Variants in PLXNB2 observed in about 807,000 individuals in gnomAD.
The protein encoded by PLXNB2 is plexin-B2.
PLXNB2 carries 85 observed loss-of-function variants against 202.6 expected under a neutral mutation model. The ratio of observed to expected loss-of-function variants is 0.42; its 90% CI spans 0.35 to 0.50. PLXNB2 has a LOEUF of 0.50. Ranked by LOEUF, PLXNB2 falls within the 20% of genes least tolerant of loss-of-function variation. The pLI is 0.02. For synonymous variants in PLXNB2, 1,239 were observed against 1,137.6 expected (o/e 1.09, Z -1.79); for missense variants, 2,063 against 2,586.2 (o/e 0.80, Z 4.39).
chr22:50,282,617 C>T, intron 18 of PLXNB2, 94 bp downstream of exon 18: 1 of 958,872 alleles, frequency 1.0e-6, no homozygotes, highest in Non-Finnish European at 1.6e-6. Flanking sequence ...CACAGACCAG[C>T]CCCACCACAT....
intron 16 of PLXNB2, 34 bp from the exon 17 acceptor site, chr22:50,283,220 G>A (rs528601993): frequency 1.8e-5 from 28 of 1,599,218 alleles, no homozygotes; most frequent in East Asian, 9.0e-5. Context: ...GGGTGAGGAC[G>A]GGGCACAGGA....
rs748150513 is a variant in PLXNB2, at chr22:50,289,520, C to T, written c.1065G>A (p.Ala355=). The T allele has an allele frequency of 4.4e-6, 7 of 1,607,310 alleles. No homozygotes were observed. The highest frequency in any genetic ancestry group is 1.7e-5 in the Admixed American group (1 of 59,616). The part of the protein sequence containing the change: ...FHGDIQCGGH[A]PGSSKSFPCG... ...GAGAACACACTGAGGCCCATACCGG[C>T]GCGTGGCCGCCGCACTGGATATCGC... Residue 355 remains alanine, a synonymous_variant, in exon 3 of 37, where the codon GCG becomes GCA. Coordinates refer to ENST00000359337, the MANE Select transcript of PLXNB2 (RefSeq NM_012401.4). The surrounding 1 kb of genome is among the most constrained non-coding windows in gnomAD (Gnocchi z 8.0).
chr22:50,284,531 C>T lies in PLXNB2; in HGVS notation c.2181+42G>A, dbSNP rs1233827694. 1 of 1,473,548 alleles carries T rather than the reference C, an allele frequency of 6.8e-7. No homozygotes were observed. The highest frequency in any genetic ancestry group is 1.2e-5 in the South Asian group (1 of 85,970). The allele number at this position is 1,473,548 out of a possible 1,614,324, so 91.3% of individuals were successfully genotyped here. On this transcript the variant is annotated intron_variant, in intron 12 of 36. Coordinates refer to ENST00000359337, the MANE Select transcript of PLXNB2 (RefSeq NM_012401.4). This position sits in a 1 kb window ranked among gnomAD's most constrained non-coding sequence, Gnocchi z 8.0. ...GGTGACCCCCCACCCCACCCGGGGC[C>T]CTGGGGTCCAGCAGCCGAGCCGGCC...
In PLXNB2 at chr22:50,291,272, C is replaced by G. The variant is rs113982993; in HGVS notation, c.-13-675G>C. Among the ~76,000 whole-genome samples the G allele has an allele frequency of 0.015, 2,221 of 152,302 alleles. 54 individuals are homozygous for G. The highest frequency in any genetic ancestry group is 0.05 in the African/African-American group (2,096 of 41,564). ...AGCTCCTCGCTCGGCCCATGTCACG[C>G]CCAGGGCACAGCCTCTGATGTGCGC... On this transcript the variant is annotated intron_variant, in intron 2 of 36. Coordinates refer to ENST00000359337, the MANE Select transcript of PLXNB2 (RefSeq NM_012401.4). The surrounding 1 kb of genome is among the most constrained non-coding windows in gnomAD (Gnocchi z 4.3).
rs56110807 is a variant in PLXNB2 at position 50,282,001 on chromosome 22, G to T, written c.3198C>A (p.Ala1066=). The T allele has an allele frequency of 3.1e-6, 5 of 1,612,930 alleles. No homozygotes were observed. The African/African-American group carries it at 6.7e-5, about 22-fold the overall frequency. The change falls in exon 20 of 37, where the codon GCC becomes GCA. Residue 1066 remains alanine (A), a synonymous_variant. Coordinates refer to ENST00000359337, the MANE Select transcript of PLXNB2 (RefSeq NM_012401.4). The stretch of plus-strand genomic sequence containing the variant: ...TCTCGATCAGCACCGTGAGGTTGTA[G>T]GCCTCTGGCTCCTCAGGCACAGCCG... ...LSPAVPEEPE[A]YNLTVLIEMD...
rs2066640829 is a variant in PLXNB2 at position 50,288,622 on chromosome 22, G to A, written c.1380+121C>T. 7.2e-7 allele frequency: 1 copy of A among 1,385,558 alleles called. No homozygotes were observed. The highest frequency in any genetic ancestry group is 1.4e-5 in the African/African-American group (1 of 69,504). The allele number at this position is 1,385,558 out of a possible 1,614,324, so 85.8% of individuals were successfully genotyped here. A position where few individuals can be genotyped will look rare whatever the true frequency, so the allele number is the denominator to read the frequency against. The stretch of plus-strand genomic sequence containing the variant: ...AGCCACCCCTCATCCAGACCAAGGA[G>A]AAGGGCCCAGCTCTGCAGCACCCCA... On this transcript the variant is annotated intron_variant, in intron 5 of 36. Coordinates refer to ENST00000359337, the MANE Select transcript of PLXNB2 (RefSeq NM_012401.4). The surrounding 1 kb of genome is among the most constrained non-coding windows in gnomAD (Gnocchi z 5.0).
At chr22:50,306,879 G>C (rs2067903066) in intron 1 of PLXNB2, among the ~76,000 whole-genome samples, 1 of 152,248 alleles carries the variant, frequency 6.6e-6, no homozygotes, top group African/African-American at 2.4e-5. Flanking sequence ...AGGGGGAGGC[G>C]GGCTCCCCAG....
chr22:50,278,687 G>C lies in PLXNB2; in HGVS notation c.4556C>G (p.Pro1519Arg). 1 of 1,610,772 alleles carries C rather than the reference G, an allele frequency of 6.2e-7. No individual in the cohort carries two copies. Among genetic ancestry groups the C allele is most frequent in the Non-Finnish European group, 8.5e-7 (1 of 1,179,192 alleles). Reference protein sequence around the residue: ...RPDSVVLEWRPGSTAQILSDL... With the variant: ...RPDSVVLEWRRGSTAQILSDL... ...CGACAGGATCTGCGCTGTGGAGCCC[G>C]GACGCCACTCTGTGGGAAGAGACAG... Residue 1519 changes from proline to arginine, a missense_variant, in exon 29 of 37, where the codon CCG (proline) becomes CGG (arginine). Physicochemically the swap from Pro to Arg is moderately radical, Grantham distance 103. Coordinates refer to ENST00000359337, the MANE Select transcript of PLXNB2 (RefSeq NM_012401.4).
intron 1 of PLXNB2, among the ~76,000 whole-genome samples, chr22:50,302,428 G>GCGGA (rs2067740377): frequency 6.6e-6 from 1 of 152,140 alleles, no homozygotes; most frequent in South Asian, 2.1e-4. Flanking sequence ...CTTGCTCCAC[G>GCGGA]CGGAGGCTTG....
intron 1 of PLXNB2, among the ~76,000 whole-genome samples, chr22:50,296,015 T>C (rs1413419624): frequency 6.6e-6 from 1 of 151,970 alleles, no homozygotes; most frequent in Non-Finnish European, 1.5e-5. Flanking sequence ...GGCAAGATAA[T>C]CGCTTGAACC....
chr22:50,292,016 C>T (rs1305186954), intron 2 of PLXNB2, among the ~76,000 whole-genome samples: 1 of 152,186 alleles, frequency 6.6e-6, no homozygotes, highest in Non-Finnish European at 1.5e-5. Context: ...CTCATCCCCT[C>T]GAAACGCAAT....
rs1304357655 is a variant in PLXNB2, at chr22:50,279,674, TGA to T, written c.4343_4344del (p.Leu1448GlnfsTer9). 6.2e-7 allele frequency: 1 copy of T among 1,612,796 alleles called. No individual in the cohort carries two copies. On this transcript the variant is annotated frameshift_variant, in exon 27 of 37. Coordinates refer to ENST00000359337, the MANE Select transcript of PLXNB2 (RefSeq NM_012401.4). LOFTEE classifies it high-confidence loss of function. ...DAVQKKAKYT[L>X]NDTGLLGDDV... is the part of the protein sequence containing the mutation. ...TCATCCCCCAGCAGCCCCGTGTCGT[TGA>T]GAGTGTACTTGGCCTTCTTCTGTAC...
At position 50,290,257 on chromosome 22, in the gene PLXNB2, C is replaced by T. The variant is rs1405202944; in HGVS notation, c.328G>A (p.Val110Met). The T allele has an allele frequency of 3.1e-6, 5 of 1,611,856 alleles. No homozygotes were observed. The highest frequency in any genetic ancestry group is 4.2e-6 in the Non-Finnish European group (5 of 1,180,024). Residue 110 changes from valine to methionine, a missense_variant, in exon 3 of 37, where the codon GTG becomes ATG. Physicochemically the swap from Val to Met is conservative, Grantham distance 21 (BLOSUM62 1). Coordinates refer to ENST00000359337, the MANE Select transcript of PLXNB2 (RefSeq NM_012401.4). ...CCCTTGAAGAGGCTGCCGCACTCCA[C>T]CAGGCGCTTCCTGGGAGGGTCGAGC... is the stretch of plus-strand genomic sequence containing the variant. ...LLLDPPRKRL[V>M]ECGSLFKGIC...
chr22:50,278,138 C>T lies in PLXNB2; in HGVS notation c.4866G>A (p.Leu1622=). 1 of 1,603,010 alleles carries T rather than the reference C, an allele frequency of 6.2e-7. No homozygotes were observed. The highest frequency in any genetic ancestry group is 8.5e-7 in the Non-Finnish European group (1 of 1,179,764). The change falls in exon 31 of 37, where the codon CTG becomes CTA. Residue 1622 remains leucine (L), a synonymous_variant. Transcript: ENST00000359337. ...CCACCTTGACTGAGAGCAGCCGCGT[C>T]AGGTAGATCTCGGTGATGGCCTTCG... ...ERTKAITEIY[L]TRLLSVKGTL...
In PLXNB2 at chr22:50,284,487, C is replaced by T. The variant is rs1314157258; in HGVS notation, c.2181+86G>A. 3 of 1,038,988 alleles carry T rather than the reference C, an allele frequency of 2.9e-6. No homozygotes were observed. Among genetic ancestry groups the T allele is most frequent in the Non-Finnish European group, 4.4e-6 (3 of 689,238 alleles). 64.4% of individuals were successfully genotyped at this position (1,038,988 alleles called of 1,614,324 possible). A position where few individuals can be genotyped will look rare whatever the true frequency, so the allele number is the denominator to read the frequency against. ...GGTCCCTGGGGTCTCCCTGCTGCCC[C>T]TCCCCTCACAGTCCTGAAGGTGACC... On this transcript the variant is annotated intron_variant, in intron 12 of 36. Coordinates refer to ENST00000359337, the MANE Select transcript of PLXNB2 (RefSeq NM_012401.4). The surrounding 1 kb of genome is among the most constrained non-coding windows in gnomAD (Gnocchi z 8.0).
chr22:50,280,020 C>T lies in PLXNB2; in HGVS notation c.4227G>A (p.Leu1409=), dbSNP rs1409990130. 1 of 1,609,198 alleles carries T rather than the reference C, an allele frequency of 6.2e-7. No homozygotes were observed. Among genetic ancestry groups the T allele is most frequent in the Non-Finnish European group, 8.5e-7 (1 of 1,177,802 alleles). Residue 1409 remains leucine, a synonymous_variant, in exon 26 of 37, where the codon CTG becomes CTA. Transcript: ENST00000359337. The part of the protein sequence containing the change: ...RMLSNWMSIC[L]YQYLKDSAGE... ...TGGAACCCACCTTGAGGTACTGGTA[C>T]AGGCAGATGGACATCCAGTTGGACA...
chr22:50,276,133 C>T (rs539241813), intron 35 of PLXNB2, among the ~76,000 whole-genome samples, 170 bp from the exon 36 acceptor site: 3 of 152,236 alleles, frequency 2.0e-5, no homozygotes, highest in South Asian at 2.1e-4. Context: ...CAGACACCCA[C>T]GCAGGCAGAG....
In PLXNB2 at chr22:50,291,161, G is replaced by A. The variant is rs977554593; in HGVS notation, c.-13-564C>T. 6.6e-6 allele frequency among the ~76,000 whole-genome samples: 1 copy of A among 152,184 alleles called. No homozygotes were observed. Among genetic ancestry groups the A allele is most frequent in the African/African-American group, 2.4e-5 (1 of 41,452 alleles). On this transcript the variant is annotated intron_variant, in intron 2 of 36. Coordinates refer to ENST00000359337, the MANE Select transcript of PLXNB2 (RefSeq NM_012401.4). The surrounding 1 kb of genome is among the most constrained non-coding windows in gnomAD (Gnocchi z 4.3). ...GTGCACATGCTGTTTACAACTGCCC[G>A]CCAGAGCCCCCAGGCGGCCTGAGCC...
rs368188916 is a variant in PLXNB2 at position 50,277,192 on chromosome 22, T to A, written c.5197-286A>T. Among the ~76,000 whole-genome samples, 12 of 151,944 alleles carry A rather than the reference T, an allele frequency of 7.9e-5. No homozygotes were observed. In the East Asian group the frequency reaches 1.4e-3, roughly 17 times the overall value. ...GGCACATGCCTGTAGTCCCAGCTAC[T>A]CAGGAGGCAGCGGCGGGAAAATCGC... On this transcript the variant is annotated intron_variant, in intron 33 of 36. Coordinates refer to ENST00000359337, the MANE Select transcript of PLXNB2 (RefSeq NM_012401.4).
Sources: gnomAD v4.1 joint callset for allele counts (sites outside exome capture counted in the v4.1 genomes callset) on GRCh38, gnomAD v4.1.1 for gene constraint, Gnocchi (gnomAD v3.1) non-coding constraint, MANE v1.5 for transcripts, NCBI Gene and HGNC (gene_info 2026-07-23, HGNC 2026-07-21) for gene names.